LUZP2: variants seen among roughly 807,000 people sequenced by gnomAD.
LUZP2 encodes leucine zipper protein 2.
A neutral mutation model predicts 51.6 loss-of-function variants in LUZP2; 52 were observed. The ratio of observed to expected loss-of-function variants is 1.01; its 90% CI spans 0.81 to 1.27. LUZP2 has a LOEUF of 1.27. LUZP2 is among the 50% of genes most tolerant of loss of function. LUZP2 has a pLI of 0.00. For missense variants in LUZP2, 436 were observed against 395.4 expected (o/e 1.10, Z -0.87); for synonymous variants, 154 against 137.3 (o/e 1.12, Z -0.85).
intron 4 of LUZP2, 173 bp from the exon 5 acceptor site, chr11:24,763,073 A>T: frequency 1.2e-5 from 5 of 423,592 alleles, no homozygotes; most frequent in African/African-American, 2.1e-5. Flanking sequence ...TAATCAATGA[A>T]TATATGTGTG....
intron 5 of LUZP2, among the ~76,000 whole-genome samples, chr11:24,881,683 C>G (rs1362371959): frequency 6.6e-6 from 1 of 151,824 alleles, no homozygotes; most frequent in Non-Finnish European, 1.5e-5. Context: ...AAAATTTCAA[C>G]AGAAATACAA....
At chr11:25,037,622 C>G (rs1292494405) in intron 9 of LUZP2, among the ~76,000 whole-genome samples, 1 of 152,094 alleles carries the variant, frequency 6.6e-6, no homozygotes, top group African/African-American at 2.4e-5. Flanking sequence ...ATGTTTAGCA[C>G]TCCCTTAAAG....
intron 9 of LUZP2, among the ~76,000 whole-genome samples, chr11:25,006,582 C>G (rs975312019): frequency 2.0e-5 from 3 of 152,164 alleles, no homozygotes; most frequent in African/African-American, 7.2e-5. Context: ...CCACACTAGT[C>G]GCTTTTAACT....
intron 1 of LUZP2, among the ~76,000 whole-genome samples, chr11:24,607,129 AT>A (rs1853949102): frequency 6.6e-6 from 1 of 151,620 alleles, no homozygotes; most frequent in South Asian, 2.1e-4. Flanking sequence ...GTACAGAAAC[AT>A]TTTAGTTTCA....
chr11:24,939,915 G>A (rs1025035332), intron 7 of LUZP2, among the ~76,000 whole-genome samples: 7 of 152,042 alleles, frequency 4.6e-5, no homozygotes, highest in African/African-American at 1.2e-4. Context: ...TCTTCCTGTG[G>A]TTCCTGGGCA....
intron 9 of LUZP2, among the ~76,000 whole-genome samples, chr11:25,008,809 C>G (rs1856905731): frequency 6.6e-6 from 1 of 152,058 alleles, no homozygotes; most frequent in South Asian, 2.1e-4. Flanking sequence ...GTGACTGAGT[C>G]CAGGGTATAT....
intron 1 of LUZP2, among the ~76,000 whole-genome samples, chr11:24,709,992 C>G (rs879099917): frequency 1.3e-5 from 2 of 152,084 alleles, no homozygotes; most frequent in Admixed American, 1.3e-4. Context: ...TTATATGCTC[C>G]CACTTTGGAA....
rs544645905 is a variant in LUZP2 at position 24,977,039 on chromosome 11, A to G, written c.597+374A>G. Among the ~76,000 whole-genome samples, 18 of 151,948 alleles carry G rather than the reference A, an allele frequency of 1.2e-4. No homozygotes were observed. In the South Asian group the frequency reaches 3.7e-3, roughly 31 times the overall value. ...AAAAGGAAGTAATTATTGGCATCAA[A>G]TTGTTATAACCAGTTTTTGAATGCA... is the stretch of plus-strand genomic sequence containing the variant. On this transcript the variant is annotated intron_variant, in intron 8 of 11. Coordinates refer to ENST00000336930, the MANE Select transcript of LUZP2 (RefSeq NM_001009909.4).
chr11:24,547,670 C>T (rs1851599693), intron 1 of LUZP2, among the ~76,000 whole-genome samples: 1 of 151,220 alleles, frequency 6.6e-6, no homozygotes, highest in Non-Finnish European at 1.5e-5. Flanking sequence ...CCTGGTAAAA[C>T]CTTCATGACA....
intron 1 of LUZP2, among the ~76,000 whole-genome samples, chr11:24,662,327 T>G (rs1490054040): frequency 1.3e-5 from 2 of 152,052 alleles, no homozygotes; most frequent in African/African-American, 4.8e-5. Context: ...CTTAAATAAT[T>G]CTTTGAAAAA....
chr11:24,967,744 G>A (rs980690728), intron 7 of LUZP2, among the ~76,000 whole-genome samples: 6 of 151,756 alleles, frequency 4.0e-5, no homozygotes, highest in Admixed American at 2.0e-4. Context: ...TTTATGTTAA[G>A]ATTTCCTCTT....
intron 5 of LUZP2, among the ~76,000 whole-genome samples, chr11:24,902,766 A>T (rs1853319649): frequency 6.6e-6 from 1 of 152,178 alleles, no homozygotes; most frequent in Non-Finnish European, 1.5e-5. Context: ...ATATAAAATA[A>T]TATCATTTTT....
chr11:24,619,559 C>T (rs182049372), intron 1 of LUZP2, among the ~76,000 whole-genome samples: 1 of 152,168 alleles, frequency 6.6e-6, no homozygotes, highest in Admixed American at 6.5e-5. Context: ...TTTTAGACCA[C>T]ATTATAGGAA....
intron 1 of LUZP2, among the ~76,000 whole-genome samples, chr11:24,591,857 G>T (rs1590216066): frequency 6.6e-6 from 1 of 152,308 alleles, no homozygotes; most frequent in South Asian, 2.1e-4. Context: ...CTTAAAATAT[G>T]CATTTCTAAG....
intron 5 of LUZP2, among the ~76,000 whole-genome samples, chr11:24,768,183 G>C (rs1860268588): frequency 6.6e-6 from 1 of 151,880 alleles, no homozygotes; most frequent in Non-Finnish European, 1.5e-5. Context: ...GCCCTGGCTG[G>C]AGCGCAGTGG....
At position 24,652,191 on chromosome 11, in the gene LUZP2, A is replaced by C. The variant is rs1340894579; in HGVS notation, c.63-76978A>C. ...AAAGCTAATAGAGTACTTTACCTGC[A>C]AAGAAGAGATTTGAACTGAAGTGTT... is the stretch of plus-strand genomic sequence containing the variant. On this transcript the variant is annotated intron_variant, in intron 1 of 11. Coordinates refer to ENST00000336930, the MANE Select transcript of LUZP2 (RefSeq NM_001009909.4). Among the ~76,000 whole-genome samples the C allele has an allele frequency of 2.0e-5, 3 of 152,084 alleles. No homozygotes were observed. The East Asian group carries it at 5.8e-4, about 29-fold the overall frequency.
At chr11:24,562,971 G>A (rs1852099979) in intron 1 of LUZP2, among the ~76,000 whole-genome samples, 1 of 152,140 alleles carries the variant, frequency 6.6e-6, no homozygotes, top group Non-Finnish European at 1.5e-5. Context: ...AAGCAACTAG[G>A]CTTCTTGCAT....
chr11:24,988,255 T>A (rs1381656712), intron 9 of LUZP2, among the ~76,000 whole-genome samples: 1 of 152,052 alleles, frequency 6.6e-6, no homozygotes, highest in Non-Finnish European at 1.5e-5. Context: ...TCACAGTATG[T>A]GTTAAAGCCA....
intron 9 of LUZP2, among the ~76,000 whole-genome samples, chr11:25,018,066 G>A (rs1369320674): frequency 8.3e-5 from 2 of 23,996 alleles, no homozygotes; most frequent in Non-Finnish European, 1.3e-4. Flanking sequence ...TTTTGCAGCT[G>A]TTTTAAAAAG....
Sources: allele counts gnomAD v4.1 joint callset (sites outside exome capture counted in the v4.1 genomes callset), GRCh38; gene constraint gnomAD v4.1.1; transcripts MANE v1.5; gene names NCBI Gene and HGNC (gene_info 2026-07-23, HGNC 2026-07-21).